OSBPL8: variants seen among roughly 807,000 people sequenced by gnomAD.
OSBPL8 encodes the protein oxysterol binding protein like 8, also known as oxysterol-binding protein-related protein 8.
A neutral mutation model predicts 125.5 loss-of-function variants in OSBPL8; 59 were observed. The observed-to-expected ratio is 0.47, with a 90% CI of 0.38 to 0.58. OSBPL8 has a LOEUF of 0.58. OSBPL8 is among the 20% of genes least tolerant of loss of function. The pLI, the probability that OSBPL8 is intolerant of heterozygous loss-of-function variation, is 0.00. For synonymous variants in OSBPL8, 330 were observed against 338.9 expected (o/e 0.97, Z 0.29); for missense variants, 758 against 1,047.8 (o/e 0.72, Z 3.82).
At chr12:76,418,765 G>A (rs137923672) in intron 4 of OSBPL8, among the ~76,000 whole-genome samples, 460 of 152,220 alleles carry the variant, frequency 3.0e-3, no homozygotes, top group African/African-American at 0.01. Flanking sequence ...CCCAGGAGGC[G>A]GAGGTTGCTG....
At chr12:76,531,576 A>G (rs1950339865) in intron 1 of OSBPL8, among the ~76,000 whole-genome samples, 1 of 152,230 alleles carries the variant, frequency 6.6e-6, no homozygotes, top group Non-Finnish European at 1.5e-5. Flanking sequence ...AGTACTGTGT[A>G]TATACAAACA....
intron 5 of OSBPL8, 97 bp downstream of exon 5, chr12:76,410,467 A>G (rs1408206606): frequency 9.2e-6 from 8 of 872,290 alleles, no homozygotes; most frequent in Non-Finnish European, 1.3e-5. Context: ...TCAACATAAA[A>G]ACATCACAAA....
At chr12:76,393,752 G>A (rs1474065265) in intron 9 of OSBPL8, among the ~76,000 whole-genome samples, 13 of 144,570 alleles carry the variant, frequency 9.0e-5, no homozygotes, top group Admixed American at 1.4e-4. Flanking sequence ...GGCCAGGTGC[G>A]ATGGCTCACG....
At chr12:76,521,850 G>A (rs185959240) in intron 1 of OSBPL8, among the ~76,000 whole-genome samples, 7 of 152,268 alleles carry the variant, frequency 4.6e-5, no homozygotes, top group Admixed American at 1.3e-4. Flanking sequence ...TCTGCAAGAC[G>A]AAGAGTTCTG....
chr12:76,428,073 G>GTAAA (rs1260304396), intron 4 of OSBPL8, among the ~76,000 whole-genome samples: 1 of 152,022 alleles, frequency 6.6e-6, no homozygotes, highest in African/African-American at 2.4e-5. Flanking sequence ...AAACACTGAT[G>GTAAA]TAAATGGTAT....
chr12:76,465,966 A>G (rs1449689483), intron 2 of OSBPL8, among the ~76,000 whole-genome samples: 1 of 152,122 alleles, frequency 6.6e-6, no homozygotes, highest in Non-Finnish European at 1.5e-5. Context: ...AGATCACACC[A>G]CTGCACTACT....
chr12:76,360,137 C>G (rs553940122), intron 21 of OSBPL8, among the ~76,000 whole-genome samples: 2 of 152,112 alleles, frequency 1.3e-5, no homozygotes, highest in African/African-American at 4.8e-5. Context: ...TGCCTATGAG[C>G]CTGTAAAATG....
intron 4 of OSBPL8, among the ~76,000 whole-genome samples, chr12:76,450,217 T>A (rs1276702956): frequency 3.3e-5 from 5 of 152,156 alleles, no homozygotes; most frequent in Non-Finnish European, 7.4e-5. Flanking sequence ...ATTTTCTGGG[T>A]AGAGGCCAGG....
Position 76,472,256 on chromosome 12 carries a change from T to C in OSBPL8, c.43-12361A>G, listed in dbSNP as rs568210422. The stretch of plus-strand genomic sequence containing the variant: ...TTTAAGATTCTACATGTTTAATATA[T>C]GTAAAATTGGTCTTTAGTATCTTCC... On this transcript the variant is annotated intron_variant, in intron 2 of 23. Transcript: ENST00000261183. 5.9e-5 allele frequency among the ~76,000 whole-genome samples: 9 copies of C among 152,320 alleles called. No individual in the cohort carries two copies. In the South Asian group the frequency reaches 1.9e-3, roughly 32 times the overall value.
At chr12:76,422,522 G>GGAGAAAGTTCATTGTATCCTCCAAAT (rs1249548012) in intron 4 of OSBPL8, 1 of 456,220 alleles carries the variant, frequency 2.2e-6, no homozygotes, top group African/African-American at 2.0e-5. Context: ...TGGCAATGAA[G>GGAGAAAGTTCATTGTATCCTCCAAAT]GAGAAAGTTC....
At chr12:76,490,604 T>G (rs1024947269) in intron 1 of OSBPL8, among the ~76,000 whole-genome samples, 1 of 152,218 alleles carries the variant, frequency 6.6e-6, no homozygotes, top group African/African-American at 2.4e-5. Flanking sequence ...GCCACTTTCA[T>G]GGCAATAAAA....
Position 76,495,726 on chromosome 12 carries a change from A to G in OSBPL8, c.-67-8108T>C, listed in dbSNP as rs535320013. Among the ~76,000 whole-genome samples, 13 of 151,478 alleles carry G rather than the reference A, an allele frequency of 8.6e-5. No individual in the cohort carries two copies. The East Asian group carries it at 1.2e-3, about 13-fold the overall frequency. On this transcript the variant is annotated intron_variant, in intron 1 of 23. Coordinates refer to ENST00000261183, the MANE Select transcript of OSBPL8 (RefSeq NM_020841.5). ...TCTTCCATCACCATTAAAATGTCCA[A>G]TAATTTAGTTATGACATCACACAAG...
intron 5 of OSBPL8, among the ~76,000 whole-genome samples, chr12:76,405,977 CT>C (rs772541535): frequency 6.6e-6 from 1 of 151,968 alleles, no homozygotes; most frequent in Non-Finnish European, 1.5e-5. Flanking sequence ...GGCTCTGTGA[CT>C]TTGAGAAGTT....
At chr12:76,432,486 C>T (rs976095916) in intron 4 of OSBPL8, among the ~76,000 whole-genome samples, 1 of 152,058 alleles carries the variant, frequency 6.6e-6, no homozygotes, top group Non-Finnish European at 1.5e-5. Context: ...GACGTTGAAA[C>T]AGAAAGAGTG....
chr12:76,351,884 G>A lies in OSBPL8; in HGVS notation c.*4005C>T, dbSNP rs1336637970. On this transcript the variant is annotated 3_prime_UTR_variant, in exon 24 of 24. Coordinates refer to ENST00000261183, the MANE Select transcript of OSBPL8 (RefSeq NM_020841.5). ...TTATTAGAAAAATTCTTTTCTTTCT[G>A]CAAACAGTTATAATAGGTTAGGAAT... 1.3e-5 allele frequency: 2 copies of A among 152,102 alleles called. No homozygotes were observed. The highest frequency in any genetic ancestry group is 2.9e-5 in the Non-Finnish European group (2 of 68,020). The allele number at this position is 152,102 out of a possible 1,614,324, so 9.4% of individuals were successfully genotyped here.
intron 1 of OSBPL8, among the ~76,000 whole-genome samples, chr12:76,557,805 A>C (rs910115572): frequency 6.6e-6 from 1 of 152,218 alleles, no homozygotes; most frequent in African/African-American, 2.4e-5. Flanking sequence ...AGTACCCTGA[A>C]TGTGTTATAA....
chr12:76,357,725 C>G (rs1421806825), intron 22 of OSBPL8, among the ~76,000 whole-genome samples: 1 of 152,198 alleles, frequency 6.6e-6, no homozygotes, highest in African/African-American at 2.4e-5. Flanking sequence ...AGCTCCCTCT[C>G]CTTTAAACTC....
At chr12:76,503,193 G>C (rs1880079352) in intron 1 of OSBPL8, among the ~76,000 whole-genome samples, 1 of 152,172 alleles carries the variant, frequency 6.6e-6, no homozygotes, top group Non-Finnish European at 1.5e-5. Context: ...CAAACTGGGG[G>C]TAGCTTAAAC....
At chr12:76,497,633 T>C (rs1240675430) in intron 1 of OSBPL8, among the ~76,000 whole-genome samples, 1 of 152,252 alleles carries the variant, frequency 6.6e-6, no homozygotes, top group African/African-American at 2.4e-5. Context: ...TGAATTCTTC[T>C]CTACGTGGTT....
Sources: allele counts gnomAD v4.1 joint callset (sites outside exome capture counted in the v4.1 genomes callset), GRCh38; gene constraint gnomAD v4.1.1; transcripts MANE v1.5; gene names NCBI Gene and HGNC (gene_info 2026-07-23, HGNC 2026-07-21).